Variants in TNRC6B observed in about 807,000 individuals in gnomAD.
The protein encoded by TNRC6B is trinucleotide repeat containing adaptor 6B, also known as trinucleotide repeat-containing gene 6B protein.
TNRC6B carries 52 observed loss-of-function variants against 203.6 expected under a neutral mutation model. The observed-to-expected ratio is 0.26, with a 90% CI of 0.20 to 0.32. The LOEUF (loss-of-function observed/expected upper bound fraction) is 0.32, where lower values mean the gene tolerates loss of function less well. Ranked by LOEUF, TNRC6B falls within the 10% of genes least tolerant of loss-of-function variation. The pLI is 1.00. For synonymous variants in TNRC6B, 838 were observed against 845.7 expected (o/e 0.99, Z 0.16); for missense variants, 1,923 against 2,286.2 (o/e 0.84, Z 3.24).
At chr22:40,080,282 G>C (rs986233057) in intron 1 of TNRC6B, among the ~76,000 whole-genome samples, 1 of 151,148 alleles carries the variant, frequency 6.6e-6, no homozygotes, top group African/African-American at 2.4e-5. Flanking sequence ...TGTCCCTAGG[G>C]CATTGTATTG....
Position 40,285,782 on chromosome 22 carries a change from T to C in TNRC6B, c.3708+12T>C. The C allele has an allele frequency of 6.2e-7, 1 of 1,612,414 alleles. No homozygotes were observed. On this transcript the variant is annotated intron_variant, in intron 12 of 22. Transcript: ENST00000454349. ...TTATTTCCCCCCAGGTAAGCAATTT[T>C]ACGTTCCTGTGATTCAAAATGAAAG... is the stretch of plus-strand genomic sequence containing the variant.
At chr22:40,173,803 T>A (rs1248976997), upstream of TNRC6B, among the ~76,000 whole-genome samples, 71 of 83,464 alleles carry the variant, frequency 8.5e-4, no homozygotes, top group East Asian at 2.2e-3. Flanking sequence ...ATTTTTTTTT[T>A]TTTTTTTTTT....
rs1258024309 is a variant in TNRC6B at position 40,208,127 on chromosome 22, AAAAAAC to A, written c.5+29993_5+29998del. ...ACTCCATCTCAAAAAAAAAAAAAAA[AAAAAAC>A]AAAAAAACAAGAAAAAAACAAGTTT... On this transcript the variant is annotated intron_variant, in intron 1 of 22. Transcript: ENST00000454349. Among the ~76,000 whole-genome samples the A allele has an allele frequency of 6.4e-3, 778 of 122,432 alleles. 21 individuals are homozygous for A. Among genetic ancestry groups the A allele is most frequent in the South Asian group, 0.021 (75 of 3,552 alleles). The allele number at this position is 122,432 out of a possible 152,430, so 80.3% of individuals were successfully genotyped here. A position where few individuals can be genotyped will look rare whatever the true frequency, so the allele number is the denominator to read the frequency against.
At chr22:40,304,579 A>G (rs759629127) in intron 15 of TNRC6B, among the ~76,000 whole-genome samples, 2 of 152,250 alleles carry the variant, frequency 1.3e-5, no homozygotes, top group Non-Finnish European at 2.9e-5. Flanking sequence ...ACTTATTTAT[A>G]TGAGTCAAAT....
intron 1 of TNRC6B, among the ~76,000 whole-genome samples, chr22:40,061,443 G>A (rs894126051): frequency 2.0e-5 from 3 of 151,146 alleles, no homozygotes; most frequent in Admixed American, 6.6e-5. Flanking sequence ...GGCTGGTCTC[G>A]AACTCCTGAC....
intron 1 of TNRC6B, among the ~76,000 whole-genome samples, chr22:40,079,109 C>T (rs906178183): frequency 1.3e-5 from 2 of 151,950 alleles, no homozygotes; most frequent in African/African-American, 2.4e-5. Context: ...AACAGGGTTT[C>T]GCCGTGTTGC....
chr22:40,148,496 A>G (rs558888124), intron 3 of TNRC6B, among the ~76,000 whole-genome samples: 2 of 152,018 alleles, frequency 1.3e-5, no homozygotes, highest in Non-Finnish European at 2.9e-5. Context: ...GTTGGCCAGG[A>G]TGATCTCAAT....
At chr22:40,048,645 A>AT (rs1274746977) in intron 1 of TNRC6B, among the ~76,000 whole-genome samples, 4 of 151,730 alleles carry the variant, frequency 2.6e-5, no homozygotes, top group South Asian at 2.1e-4. Context: ...CCATTTAAAC[A>AT]TTTTTTTAAA....
chr22:40,129,413 AGCTG>A (rs2146327134), intron 3 of TNRC6B, among the ~76,000 whole-genome samples: 1 of 152,312 alleles, frequency 6.6e-6, no homozygotes, highest in African/African-American at 2.4e-5. Context: ...AGGCACGTGC[AGCTG>A]TTCGGGTAGG....
chr22:40,143,786 G>A (rs954662450), intron 3 of TNRC6B, among the ~76,000 whole-genome samples: 8 of 152,198 alleles, frequency 5.3e-5, no homozygotes, highest in African/African-American at 1.4e-4. Flanking sequence ...GTGAGCCACT[G>A]TGCCCGGCCT....
Position 40,184,111 on chromosome 22 carries a change from T to TTTTTAAAAAA in TNRC6B, c.5+5971_5+5972insTTTTAAAAAA, listed in dbSNP as rs1420552621. ...GCTTTCATTCATTGACGTTGGAATT[T>TTTTTAAAAAA]GTTTTTTAAAAAACTTAGAAAATGA... On this transcript the variant is annotated intron_variant, in intron 1 of 22. Transcript: ENST00000454349. Among the ~76,000 whole-genome samples the TTTTTAAAAAA allele has an allele frequency of 3.9e-5, 6 of 152,246 alleles. 1 individual carries two copies. The highest frequency in any genetic ancestry group is 1.5e-5 in the Non-Finnish European group (1 of 68,040).
At chr22:40,046,112 A>G (rs921181114) in intron 1 of TNRC6B, among the ~76,000 whole-genome samples, 1 of 152,258 alleles carries the variant, frequency 6.6e-6, no homozygotes, top group African/African-American at 2.4e-5. Flanking sequence ...TAAAGTGTGT[A>G]GAAATGATAG....
At chr22:40,195,264 G>A (rs756928447) in intron 1 of TNRC6B, among the ~76,000 whole-genome samples, 3 of 152,170 alleles carry the variant, frequency 2.0e-5, no homozygotes, top group Non-Finnish European at 4.4e-5. Context: ...TACATGCCAA[G>A]GAAGTTTAGA....
intron 1 of TNRC6B, among the ~76,000 whole-genome samples, chr22:40,220,615 G>A (rs2069695110): frequency 6.6e-6 from 1 of 152,180 alleles, no homozygotes; most frequent in African/African-American, 2.4e-5. Context: ...CTTTTGGTTA[G>A]CACTGTTACA....
intron 1 of TNRC6B, among the ~76,000 whole-genome samples, chr22:40,241,712 C>T (rs576503629): frequency 4.6e-5 from 7 of 152,318 alleles, no homozygotes; most frequent in South Asian, 2.1e-4. Context: ...TTCTCCTTGA[C>T]GTAATTACTC....
In TNRC6B at chr22:40,128,887, T is replaced by C. The variant is rs957821211; in HGVS notation, c.45+3025T>C. ...CAACAGTGAACCAAAAATACATGGT[T>C]CCTACTCTCAAGGCGGTTTCATTTT... On this transcript the variant is annotated intron_variant, in intron 3 of 23. Transcript: ENST00000301923. Among the ~76,000 whole-genome samples the C allele has an allele frequency of 3.9e-5, 6 of 152,216 alleles. No homozygotes were observed. In the East Asian group the frequency reaches 1.2e-3, roughly 29 times the overall value.
At chr22:40,298,925 C>T (rs1194255691) in intron 12 of TNRC6B, among the ~76,000 whole-genome samples, 1 of 148,668 alleles carries the variant, frequency 6.7e-6, no homozygotes, top group African/African-American at 2.5e-5. Context: ...AAGATAGCGC[C>T]ACTGCACTCC....
chr22:40,156,614 T>C (rs1012935021), intron 4 of TNRC6B, among the ~76,000 whole-genome samples: 11 of 152,218 alleles, frequency 7.2e-5, no homozygotes, highest in African/African-American at 2.4e-4. Flanking sequence ...TCCATTTGGT[T>C]ATTTACACTG....
intron 4 of TNRC6B, among the ~76,000 whole-genome samples, chr22:40,170,259 C>T: frequency 7.1e-6 from 1 of 141,206 alleles, no homozygotes; most frequent in South Asian, 2.2e-4. Flanking sequence ...GTCTGGGCAA[C>T]AGGGCGAAAC....
Sources: gnomAD v4.1 joint callset for allele counts (sites outside exome capture counted in the v4.1 genomes callset) on GRCh38, gnomAD v4.1.1 for gene constraint, MANE v1.5 for transcripts, NCBI Gene and HGNC (gene_info 2026-07-23, HGNC 2026-07-21) for gene names.